The following UTP20 variants were observed in gnomAD, a reference collection of about 807,000 sequenced individuals.
UTP20 encodes UTP20 small subunit processome component, also known as small subunit processome component 20 homolog.
UTP20 carries 164 observed loss-of-function variants against 329.5 expected under a neutral mutation model. That is an observed-to-expected ratio of 0.50 (90% CI 0.44 to 0.57). The LOEUF is 0.57. UTP20 is among the 20% of genes least tolerant of loss of function. The pLI is 0.00. For synonymous variants in UTP20, 1,151 were observed against 1,159.3 expected (o/e 0.99, Z 0.14); for missense variants, 3,055 against 3,284.2 (o/e 0.93, Z 1.71).
At chr12:101,310,609 G>GGCTCATGT (rs976451422) in intron 19 of UTP20, among the ~76,000 whole-genome samples, 1 of 112,506 alleles carries the variant, frequency 8.9e-6, no homozygotes, top group African/African-American at 3.7e-5. Flanking sequence ...TACATGTTAT[G>GGCTCATGT]GCTCATGTGT....
intron 43 of UTP20, among the ~76,000 whole-genome samples, chr12:101,360,283 T>C (rs953114770): frequency 6.6e-6 from 1 of 152,194 alleles, no homozygotes. Context: ...GTACCTTTAG[T>C]GCCAGCAACT....
chr12:101,326,408 A>G (rs2137264413), intron 25 of UTP20, among the ~76,000 whole-genome samples: 1 of 152,210 alleles, frequency 6.6e-6, no homozygotes, highest in Middle Eastern at 3.4e-3. Context: ...TAGCATAGAA[A>G]TTATTTTTTT....
rs760164413 is a variant in UTP20, at chr12:101,385,604, C to T, written c.8078C>T (p.Ser2693Phe). 7 of 1,613,128 alleles carry T rather than the reference C, an allele frequency of 4.3e-6. No homozygotes were observed. The African/African-American group carries it at 6.7e-5, about 15-fold the overall frequency. ...SEQDPLLKNL[S>F]QEIIELLKKL... is the part of the protein sequence containing the mutation. The stretch of plus-strand genomic sequence containing the variant: ...TTAGATCCTTTGCTGAAGAATCTAT[C>T]CCAGGAAATCATAGAATTACTCAAA... The change falls in exon 61 of 62, where the codon TCC becomes TTC. Residue 2693 changes from serine (S) to phenylalanine (F), a missense_variant. Transcript: ENST00000261637.
chr12:101,385,202 A>G (rs1278748450), intron 60 of UTP20, among the ~76,000 whole-genome samples: 2 of 152,140 alleles, frequency 1.3e-5, no homozygotes, highest in African/African-American at 2.4e-5. Context: ...CAAGAGCTCA[A>G]CAGGTAAACA....
chr12:101,339,462 ATTAC>A (rs1401930029), intron 31 of UTP20, among the ~76,000 whole-genome samples: 1 of 152,154 alleles, frequency 6.6e-6, no homozygotes, highest in African/African-American at 2.4e-5. Flanking sequence ...TCTCTGCTGG[ATTAC>A]TTACTAGAAA....
chr12:101,353,282 T>C (rs1182159545), intron 40 of UTP20, among the ~76,000 whole-genome samples, 153 bp downstream of exon 40: 2 of 152,204 alleles, frequency 1.3e-5, no homozygotes, highest in African/African-American at 4.8e-5. Context: ...CTAAAATAAA[T>C]GGTTTAAGTA....
chr12:101,370,647 C>A, intron 50 of UTP20, 84 bp downstream of exon 50: 1 of 1,401,916 alleles, frequency 7.1e-7, no homozygotes, highest in Non-Finnish European at 9.7e-7. Context: ...AGTGTTTTGA[C>A]TAGTCATAGA....
chr12:101,314,352 A>T (rs1000945281), intron 21 of UTP20, among the ~76,000 whole-genome samples: 3 of 152,104 alleles, frequency 2.0e-5, no homozygotes, highest in African/African-American at 2.4e-5. Flanking sequence ...TCTGATAGGG[A>T]TGACAGCCTA....
chr12:101,344,155 A>G (rs1869243473), intron 35 of UTP20, among the ~76,000 whole-genome samples: 1 of 152,042 alleles, frequency 6.6e-6, no homozygotes, highest in Non-Finnish European at 1.5e-5. Context: ...AGCACAAAAA[A>G]TTCTAAGTCG....
intron 11 of UTP20, among the ~76,000 whole-genome samples, chr12:101,294,636 G>A (rs1012884740): frequency 2.0e-5 from 3 of 148,114 alleles, no homozygotes; most frequent in South Asian, 4.4e-4. Flanking sequence ...TCCACCCTCC[G>A]GGTTCAAGTG....
Position 101,373,749 on chromosome 12 carries a change from T to C in UTP20, c.7113T>C (p.Thr2371=). 5 of 1,611,236 alleles carry C rather than the reference T, an allele frequency of 3.1e-6. No homozygotes were observed. The highest frequency in any genetic ancestry group is 4.2e-6 in the Non-Finnish European group (5 of 1,179,524). Residue 2371 remains threonine (T), a synonymous_variant, in exon 54 of 62, where the codon ACT becomes ACC. Coordinates refer to ENST00000261637, the MANE Select transcript of UTP20 (RefSeq NM_014503.3). ...ATTGGCTGTTTGATATGGTTACCAC[T>C]TGGTTTGGAGCAAAAAAGGTGTGCG... ...KKDWLFDMVT[T]WFGAKKRLNR...
At chr12:101,359,981 C>T (rs1023495825) in intron 43 of UTP20, among the ~76,000 whole-genome samples, 26 of 152,232 alleles carry the variant, frequency 1.7e-4, no homozygotes, top group African/African-American at 6.3e-4. Context: ...ATATTGAGAA[C>T]TGGACATACA....
intron 19 of UTP20, among the ~76,000 whole-genome samples, chr12:101,310,984 A>G (rs1565790598): frequency 6.6e-6 from 1 of 152,178 alleles, no homozygotes; most frequent in Non-Finnish European, 1.5e-5. Flanking sequence ...CACACTATCA[A>G]CAGTGTTGGT....
intron 56 of UTP20, among the ~76,000 whole-genome samples, chr12:101,378,046 A>G (rs1355130302): frequency 6.6e-6 from 1 of 151,890 alleles, no homozygotes; most frequent in African/African-American, 2.4e-5. Flanking sequence ...ACATGGTGAA[A>G]CCCCATCTCT....
rs144043776 is a variant in UTP20 at position 101,299,821 on chromosome 12, G to A, written c.1570G>A (p.Val524Met). The A allele has an allele frequency of 6.2e-7, 1 of 1,606,950 alleles. No individual in the cohort carries two copies. The highest frequency in any genetic ancestry group is 2.2e-5 in the East Asian group (1 of 44,860). ...TTCACAATCTTGGGCAGCCCTCGTGGTGTTACCTCATATTAGGTAAGAAAA... is the reference window on the plus strand; with the variant it reads ...TTCACAATCTTGGGCAGCCCTCGTGATGTTACCTCATATTAGGTAAGAAAA... ...YLSQSWAALV[V>M]LPHIRPLEKE... Residue 524 changes from valine to methionine, a missense_variant, in exon 13 of 62, where the codon GTG becomes ATG. Coordinates refer to ENST00000261637, the MANE Select transcript of UTP20 (RefSeq NM_014503.3).
rs183609204 is a variant in UTP20 at position 101,341,545 on chromosome 12, A to G, written c.4102-901A>G. 1.8e-4 allele frequency among the ~76,000 whole-genome samples: 28 copies of G among 152,374 alleles called. No individual in the cohort carries two copies. The East Asian group carries it at 4.6e-3, about 25-fold the overall frequency. On this transcript the variant is annotated intron_variant, in intron 32 of 61. Coordinates refer to ENST00000261637, the MANE Select transcript of UTP20 (RefSeq NM_014503.3). ...TGGCCCTCTGTATTCACATTTCCAC[A>G]TATGTGGATTCAACCAATCATAGAT... is the stretch of plus-strand genomic sequence containing the variant.
At chr12:101,366,477 C>A in intron 46 of UTP20, 81 bp from the exon 47 acceptor site, 2 of 1,514,698 alleles carry the variant, frequency 1.3e-6, no homozygotes, top group Non-Finnish European at 8.9e-7. Flanking sequence ...GGGCTCTCGT[C>A]ACTTTAGAAG....
intron 45 of UTP20, among the ~76,000 whole-genome samples, chr12:101,364,460 C>T (rs1593450125): frequency 6.6e-6 from 1 of 152,246 alleles, no homozygotes; most frequent in East Asian, 1.9e-4. Flanking sequence ...TAAGAAAATT[C>T]AGGCTTGGAA....
intron 30 of UTP20, 86 bp from the exon 31 acceptor site, chr12:101,338,727 G>T: frequency 8.6e-7 from 1 of 1,158,972 alleles, no homozygotes; most frequent in Non-Finnish European, 1.2e-6. Context: ...TAGTGGTTGA[G>T]TGCTTTTCTT....
Sources: gnomAD v4.1 joint callset for allele counts (sites outside exome capture counted in the v4.1 genomes callset) on GRCh38, gnomAD v4.1.1 for gene constraint, MANE v1.5 for transcripts, NCBI Gene and HGNC (gene_info 2026-07-23, HGNC 2026-07-21) for gene names.